Variants in VTI1A observed in about 807,000 individuals in gnomAD.
The protein encoded by VTI1A is vesicle transport through interaction with t-SNAREs homolog 1A.
A neutral mutation model predicts 34.9 loss-of-function variants in VTI1A; 22 were observed. The observed-to-expected ratio is 0.63, with a 90% CI of 0.45 to 0.90. VTI1A has a LOEUF of 0.90. Among genes scored for constraint, VTI1A ranks in the 40% least tolerant of loss-of-function variants. VTI1A has a pLI of 0.00. For missense variants in VTI1A, 268 were observed against 275.6 expected, an observed-to-expected ratio of 0.97 and a Z score of 0.20; for synonymous variants, 87 against 97.3, an observed-to-expected ratio of 0.89 and a Z score of 0.62.
At chr10:112,475,891 T>C (rs761861493) in intron 3 of VTI1A, among the ~76,000 whole-genome samples, 1 of 152,196 alleles carries the variant, frequency 6.6e-6, no homozygotes, top group Non-Finnish European at 1.5e-5. Flanking sequence ...AAAATATTTC[T>C]GATGGGATTT....
chr10:112,453,729 T>A (rs1020978648), intron 1 of VTI1A, among the ~76,000 whole-genome samples: 4 of 152,134 alleles, frequency 2.6e-5, no homozygotes, highest in African/African-American at 9.7e-5. Flanking sequence ...CAGGATCATC[T>A]TCTCTATTTC....
chr10:112,790,940 G>A (rs1394750009), intron 7 of VTI1A, among the ~76,000 whole-genome samples: 2 of 152,082 alleles, frequency 1.3e-5, no homozygotes, highest in Non-Finnish European at 2.9e-5. Flanking sequence ...GCGGATTTGG[G>A]CCTCTACTTC....
At chr10:112,694,378 A>ATGGATGGATGGG (rs1283564427) in intron 7 of VTI1A, among the ~76,000 whole-genome samples, 26 of 151,856 alleles carry the variant, frequency 1.7e-4, no homozygotes, top group African/African-American at 6.3e-4. Context: ...GGATGGATGG[A>ATGGATGGATGGG]TGGATGGGTG....
At chr10:112,835,093 T>C in the VTI1A span, among the ~76,000 whole-genome samples, 2,005 of 152,184 alleles carry the variant, frequency 0.013, 19 homozygotes, top group Non-Finnish European at 0.018. Context: ...CCCGTGCGCT[T>C]CTCGACTGAC....
intron 7 of VTI1A, among the ~76,000 whole-genome samples, chr10:112,813,567 A>G (rs1487838701): frequency 2.0e-5 from 3 of 152,048 alleles, no homozygotes; most frequent in Non-Finnish European, 4.4e-5. Context: ...CCTCCCAGAG[A>G]AAAGGGGGAA....
At chr10:112,570,619 C>T (rs1449692947) in intron 5 of VTI1A, among the ~76,000 whole-genome samples, 1 of 152,178 alleles carries the variant, frequency 6.6e-6, no homozygotes, top group African/African-American at 2.4e-5. Flanking sequence ...AGTGTTTAGA[C>T]TTCAAAGTAG....
intron 7 of VTI1A, among the ~76,000 whole-genome samples, chr10:112,753,119 A>T (rs1355518455): frequency 6.6e-6 from 1 of 152,104 alleles, no homozygotes; most frequent in African/African-American, 2.4e-5. Context: ...TGTAGCCCTG[A>T]GGCAATGGTG....
At chr10:112,753,448 T>C (rs1203115093) in intron 7 of VTI1A, among the ~76,000 whole-genome samples, 3 of 152,186 alleles carry the variant, frequency 2.0e-5, no homozygotes, top group Non-Finnish European at 4.4e-5. Context: ...AGAAAGAGTT[T>C]ATTCTCCTTA....
At chr10:112,499,088 C>A (rs1428205584) in intron 3 of VTI1A, among the ~76,000 whole-genome samples, 1 of 152,072 alleles carries the variant, frequency 6.6e-6, no homozygotes, top group African/African-American at 2.4e-5. Context: ...AATATTTCAA[C>A]ATTAGGTAAG....
intron 1 of VTI1A, among the ~76,000 whole-genome samples, chr10:112,459,164 CAA>C (rs2134037495): frequency 6.6e-6 from 1 of 152,300 alleles, no homozygotes; most frequent in Admixed American, 6.5e-5. Context: ...CTCAAGAAAC[CAA>C]ACTATGGTAA....
intron 7 of VTI1A, among the ~76,000 whole-genome samples, chr10:112,736,107 G>GTTTATATATATATA: frequency 9.9e-6 from 1 of 100,844 alleles, no homozygotes; most frequent in Non-Finnish European, 2.0e-5. Context: ...ATATATGTGT[G>GTTTATATATATATA]TGTGTATATA....
chr10:112,464,883 C>A (rs868380986), intron 3 of VTI1A: 1 of 552,186 alleles, frequency 1.8e-6, no homozygotes. Flanking sequence ...AATCATGCGG[C>A]CCTTTGAGTC....
chr10:112,692,136 G>T (rs1217850209), intron 7 of VTI1A, among the ~76,000 whole-genome samples: 1 of 152,076 alleles, frequency 6.6e-6, no homozygotes, highest in Non-Finnish European at 1.5e-5. Context: ...ATTCCCATTA[G>T]CCCACTTCAG....
chr10:112,467,464 C>G (rs1847934272), intron 3 of VTI1A, among the ~76,000 whole-genome samples: 1 of 151,028 alleles, frequency 6.6e-6, no homozygotes, highest in Non-Finnish European at 1.5e-5. Context: ...AGCTGATGAG[C>G]TAAAAAAAAA....
chr10:112,662,922 TACAAACAAACAA>T (rs71035396), intron 5 of VTI1A, among the ~76,000 whole-genome samples: 3 of 106,078 alleles, frequency 2.8e-5, no homozygotes, highest in African/African-American at 8.3e-5. Context: ...TGCTTCTTCT[TACAAACAAACAA>T]ACAAACAAAC....
At chr10:112,843,996 G>T in the VTI1A span, among the ~76,000 whole-genome samples, 1 of 152,100 alleles carries the variant, frequency 6.6e-6, no homozygotes, top group Non-Finnish European at 1.5e-5. Flanking sequence ...GCCCTGGGGT[G>T]TTCAGGAGGA....
intron 7 of VTI1A, among the ~76,000 whole-genome samples, chr10:112,702,888 G>A (rs1849060606): frequency 6.6e-6 from 1 of 152,100 alleles, no homozygotes; most frequent in African/African-American, 2.4e-5. Flanking sequence ...GCCTGGCTCT[G>A]CCCTATTTTT....
At chr10:112,706,765 A>G (rs922328622) in intron 7 of VTI1A, among the ~76,000 whole-genome samples, 1 of 152,232 alleles carries the variant, frequency 6.6e-6, no homozygotes, top group Admixed American at 6.5e-5. Context: ...TTCGTCTTTC[A>G]TGTGTTTTCA....
rs768293521 is a variant in VTI1A, at chr10:112,484,195, C to T, written c.264+19538C>T. Reference sequence around the variant, plus strand: ...AGCTCTAATACTAACTAGCTGAGTGCCATTGGGCAAGTCATTGTGTCTCAG... The same window carrying T: ...AGCTCTAATACTAACTAGCTGAGTGTCATTGGGCAAGTCATTGTGTCTCAG... On this transcript the variant is annotated intron_variant, in intron 3 of 7. Coordinates refer to ENST00000393077, the MANE Select transcript of VTI1A (RefSeq NM_145206.4). 1.5e-3 allele frequency among the ~76,000 whole-genome samples: 236 copies of T among 152,290 alleles called. 1 individual carries two copies. The highest frequency in any genetic ancestry group is 2.7e-3 in the Non-Finnish European group (184 of 68,022).
Sources: allele counts gnomAD v4.1 joint callset (sites outside exome capture counted in the v4.1 genomes callset), GRCh38; gene constraint gnomAD v4.1.1; transcripts MANE v1.5; gene names NCBI Gene and HGNC (gene_info 2026-07-23, HGNC 2026-07-21).